The following VIRMA variants were observed in gnomAD, a reference collection of about 807,000 sequenced individuals.
VIRMA encodes the protein protein virilizer homolog.
A neutral mutation model predicts 182.4 loss-of-function variants in VIRMA; 65 were observed. The observed-to-expected ratio is 0.36, with a 90% confidence interval of 0.29 to 0.44. The LOEUF (loss-of-function observed/expected upper bound fraction) is 0.44, where lower values mean the gene tolerates loss of function less well. VIRMA is among the 20% of genes least tolerant of loss of function. VIRMA has a pLI of 1.00. For synonymous variants in VIRMA, 709 were observed against 743.1 expected (o/e 0.95, Z 0.75); for missense variants, 1,752 against 2,158.1 (o/e 0.81, Z 3.73).
intron 18 of VIRMA, 79 bp downstream of exon 18, chr8:94,496,249 A>G: frequency 8.4e-7 from 1 of 1,195,510 alleles, no homozygotes; most frequent in East Asian, 2.4e-5. Context: ...ATTTTAAAAA[A>G]GGTCACTACG....
intron 8 of VIRMA, among the ~76,000 whole-genome samples, chr8:94,525,118 C>A (rs1814911076): frequency 6.6e-6 from 1 of 152,290 alleles, no homozygotes; most frequent in East Asian, 1.9e-4. Flanking sequence ...AGGGTTCCCC[C>A]CAAAGGGATT....
At chr8:94,493,514 T>C (rs887593011) in intron 20 of VIRMA, among the ~76,000 whole-genome samples, 1 of 152,200 alleles carries the variant, frequency 6.6e-6, no homozygotes, top group Non-Finnish European at 1.5e-5. Context: ...TTCAGTTCCC[T>C]AGTCATCCAC....
In VIRMA at chr8:94,537,111, T is replaced by C; in HGVS notation, c.307A>G (p.Asn103Asp). Reference protein sequence around the residue: ...DENTSIIFRPNSKVNTDGLVL... With the variant: ...DENTSIIFRPDSKVNTDGLVL... ...CTGACTTCCAGAATTACCTTTGAGTTAGGTCTAAAGATGATGGAAGTATTC... is the reference window on the plus strand; with the variant it reads ...CTGACTTCCAGAATTACCTTTGAGTCAGGTCTAAAGATGATGGAAGTATTC... The change falls in exon 4 of 24, where the codon AAC (asparagine) becomes GAC (aspartate). Residue 103 changes from asparagine (N) to aspartate (D), a missense_variant. Physicochemically the swap from Asn to Asp is conservative, Grantham distance 23. Transcript: ENST00000297591. 6.2e-7 allele frequency: 1 copy of C among 1,601,604 alleles called. No individual in the cohort carries two copies. The highest frequency in any genetic ancestry group is 8.6e-7 in the Non-Finnish European group (1 of 1,168,768).
rs1358394170 is a variant in VIRMA, at chr8:94,491,909, A to G, written c.4809T>C (p.Ser1603=). The change falls in exon 22 of 24, where the codon AGT becomes AGC. Residue 1603 remains serine (S), a splice_region_variant and synonymous_variant. Coordinates refer to ENST00000297591, the MANE Select transcript of VIRMA (RefSeq NM_015496.5). Reference sequence around the variant, plus strand: ...CAGGTTCAATGTATTCAGATTTTCCACTATTAAAACAAAAACATGCCATAA... The same window carrying G: ...CAGGTTCAATGTATTCAGATTTTCCGCTATTAAAACAAAAACATGCCATAA... The part of the protein sequence containing the change: ...KHKHETFITS[S]GKSEYIEPAK... 6 of 1,524,488 alleles carry G rather than the reference A, an allele frequency of 3.9e-6. No homozygotes were observed. Among genetic ancestry groups the G allele is most frequent in the Non-Finnish European group, 5.3e-6 (6 of 1,132,718 alleles). 94.4% of individuals were successfully genotyped at this position (1,524,488 alleles called of 1,614,324 possible).
chr8:94,504,582 TA>T (rs950326793), intron 16 of VIRMA, among the ~76,000 whole-genome samples: 34 of 152,146 alleles, frequency 2.2e-4, no homozygotes, highest in African/African-American at 7.5e-4. Flanking sequence ...TTTTAAGTTT[TA>T]AAAGATTACT....
chr8:94,500,573 A>T (rs1240252183), intron 16 of VIRMA, among the ~76,000 whole-genome samples: 1 of 151,892 alleles, frequency 6.6e-6, no homozygotes, highest in African/African-American at 2.4e-5. Context: ...TCTGGGGAGG[A>T]TGAGGAGCAA....
chr8:94,542,775 T>C (rs1232351163), intron 2 of VIRMA, among the ~76,000 whole-genome samples: 1 of 152,214 alleles, frequency 6.6e-6, no homozygotes, highest in Non-Finnish European at 1.5e-5. Context: ...TTGTGTATCT[T>C]TTAATTTTTG....
chr8:94,533,290 G>C (rs1815231706), intron 5 of VIRMA, among the ~76,000 whole-genome samples: 2 of 151,990 alleles, frequency 1.3e-5, no homozygotes, highest in Admixed American at 1.3e-4. Context: ...AAAAAAAAGA[G>C]CTCACACCAC....
intron 1 of VIRMA, among the ~76,000 whole-genome samples, chr8:94,544,852 C>T (rs912322860): frequency 2.3e-4 from 35 of 151,982 alleles, no homozygotes; most frequent in African/African-American, 8.4e-4. Context: ...CTTTGTTAAA[C>T]TTACATACCA....
rs966727010 is a variant in VIRMA, at chr8:94,488,657, T to C, written c.*49A>G. Reference sequence around the variant, plus strand: ...TGGTCCTTCAATGTCTTATTTTTATTGTCCTCGTGAAATGTTCATATACAG... The same window carrying C: ...TGGTCCTTCAATGTCTTATTTTTATCGTCCTCGTGAAATGTTCATATACAG... On this transcript the variant is annotated 3_prime_UTR_variant, in exon 24 of 24. Transcript: ENST00000297591. The C allele has an allele frequency of 1.3e-6, 2 of 1,566,900 alleles. No individual in the cohort carries two copies. The highest frequency in any genetic ancestry group is 8.7e-7 in the Non-Finnish European group (1 of 1,145,676).
intron 8 of VIRMA, among the ~76,000 whole-genome samples, chr8:94,519,812 G>C (rs970585588): frequency 2.6e-5 from 4 of 152,030 alleles, no homozygotes; most frequent in African/African-American, 9.7e-5. Flanking sequence ...TGGCATATTG[G>C]TATATTTAAA....
In VIRMA at chr8:94,541,768, G is replaced by A. The variant is rs370147790; in HGVS notation, c.179+2059C>T. The stretch of plus-strand genomic sequence containing the variant: ...TGTTGGCTAGGCTGGTCTCAAACTC[G>A]TGACCTCAAATGATCTACCTGCCTC... On this transcript the variant is annotated intron_variant, in intron 2 of 23. Transcript: ENST00000297591. 5.9e-5 allele frequency among the ~76,000 whole-genome samples: 9 copies of A among 152,170 alleles called. No homozygotes were observed. In the East Asian group the frequency reaches 7.7e-4, roughly 13 times the overall value.
rs757562282 is a variant in VIRMA, at chr8:94,529,350, A to G, written c.608-8T>C. ...CTTCCTTGTCACCAGACACTGAAAA[A>G]TTGAGATTTAAGGCACAGACTATTT... On this transcript the variant is annotated splice_region_variant and splice_polypyrimidine_tract_variant and intron_variant, in intron 6 of 23. Transcript: ENST00000297591. The G allele has an allele frequency of 3.9e-6, 6 of 1,541,348 alleles. 1 individual carries two copies. In the South Asian group the frequency reaches 6.7e-5, roughly 17 times the overall value.
In VIRMA at chr8:94,529,219, T is replaced by G; in HGVS notation, c.731A>C (p.Gln244Pro). The G allele has an allele frequency of 6.5e-7, 1 of 1,547,912 alleles. No homozygotes were observed. ...TTCATCTTCTTCTCCTTCTTCTTGT[T>G]GTTCCTCTTCTACTTCTCCTTCATC... ...YSDEGEVEEE[Q>P]QEEGEEDEDD... The change falls in exon 7 of 24, where the codon CAA becomes CCA. Residue 244 changes from glutamine to proline, a missense_variant. Physicochemically the swap from Gln to Pro is moderately conservative, Grantham distance 76. Around this residue, in one of 11 missense-constraint regions of VIRMA, gnomAD observed 114 missense variants for 106.9 expected, o/e 1.07. Coordinates refer to ENST00000297591, the MANE Select transcript of VIRMA (RefSeq NM_015496.5).
chr8:94,502,498 T>C (rs1322185949), intron 16 of VIRMA, among the ~76,000 whole-genome samples: 4 of 151,878 alleles, frequency 2.6e-5, no homozygotes, highest in Non-Finnish European at 5.9e-5. Flanking sequence ...ATCTGTTTTA[T>C]GTAGATAAAA....
At chr8:94,494,826 A>G in intron 20 of VIRMA, 34 bp downstream of exon 20, 1 of 1,193,816 alleles carries the variant, frequency 8.4e-7, no homozygotes, top group Non-Finnish European at 1.2e-6. Context: ...AAAAAACAAT[A>G]ACGTTTTTCT....
At position 94,506,744 on chromosome 8, in the gene VIRMA, G is replaced by C. The variant is rs770108154; in HGVS notation, c.3880-27C>G. 2.9e-6 allele frequency: 4 copies of C among 1,393,910 alleles called. No homozygotes were observed. In the African/African-American group the frequency reaches 5.6e-5, roughly 20 times the overall value. 86.3% of individuals were successfully genotyped at this position (1,393,910 alleles called of 1,614,324 possible). ...TGTGGGGAGCAGGGAAAAAAAAATC[G>C]ATTTTTTAAATAATTATCACCATCA... is the stretch of plus-strand genomic sequence containing the variant. On this transcript the variant is annotated intron_variant, in intron 15 of 23. Transcript: ENST00000297591.
Position 94,509,864 on chromosome 8 carries a change from G to A in VIRMA, c.3703C>T (p.His1235Tyr), listed in dbSNP as rs757600004. Residue 1235 changes from histidine (H) to tyrosine (Y), a missense_variant, in exon 15 of 24, where the codon CAC becomes TAC. Transcript: ENST00000297591. ...AAAATAGCTAATTTACAAGCTTTGT[G>A]TGAAGCCAGAGCATCAAGAAGAGCA... ...LLALLDALAS[H>Y]KACKLAILHL... 28 of 1,613,734 alleles carry A rather than the reference G, an allele frequency of 1.7e-5. No homozygotes were observed. The highest frequency in any genetic ancestry group is 2.2e-5 in the Non-Finnish European group (26 of 1,179,786).
rs758991835 is a variant in VIRMA, at chr8:94,509,933, C to T, written c.3634G>A (p.Glu1212Lys). The T allele has an allele frequency of 1.2e-6, 2 of 1,601,554 alleles. No homozygotes were observed. Among genetic ancestry groups the T allele is most frequent in the South Asian group, 2.3e-5 (2 of 88,734 alleles). Residue 1212 changes from glutamate (E) to lysine (K), a missense_variant, in exon 15 of 24, where the codon GAA (glutamate) becomes AAA (lysine). Transcript: ENST00000297591. The part of the protein sequence containing the change: ...LIVEDLQSTS[E>K]DKEKQYTSQT... The stretch of plus-strand genomic sequence containing the variant: ...CTAGTATACTGTTTTTCTTTATCTT[C>T]TGAAGTGCTGAAATAAAATCGATAC...
Sources: gnomAD v4.1 joint callset for allele counts (sites outside exome capture counted in the v4.1 genomes callset) on GRCh38, gnomAD v4.1.1 for gene constraint, gnomAD v4.1.1 regional missense constraint, MANE v1.5 for transcripts, NCBI Gene and HGNC (gene_info 2026-07-23, HGNC 2026-07-21) for gene names.